Variants in CFAP58 observed in about 807,000 individuals in gnomAD.
CFAP58 encodes cilia and flagella associated protein 58, also known as cilia- and flagella-associated protein 58.
A neutral mutation model predicts 119.5 loss-of-function variants in CFAP58; 88 were observed. The observed-to-expected ratio is 0.74, with a 90% CI of 0.62 to 0.88. The LOEUF is 0.88. Among genes scored for constraint, CFAP58 ranks in the 40% least tolerant of loss-of-function variants. The probability of loss-of-function intolerance (pLI) is 0.00; values close to 1 mark genes in which losing one functional copy is unlikely to be tolerated. For synonymous variants in CFAP58, 365 were observed against 366.3 expected, an observed-to-expected ratio of 1.00 and a Z score of 0.04; for missense variants, 990 against 1,021.2, an observed-to-expected ratio of 0.97 and a Z score of 0.42.
chr10:104,383,957 A>C (rs2011872388), intron 9 of CFAP58, among the ~76,000 whole-genome samples: 2 of 152,202 alleles, frequency 1.3e-5, no homozygotes, highest in Admixed American at 1.3e-4. Context: ...TTTAAGAAAA[A>C]ACTGAATCTA....
At chr10:104,362,302 A>G in intron 3 of CFAP58, 131 bp downstream of exon 3, 1 of 738,626 alleles carries the variant, frequency 1.4e-6, no homozygotes, top group African/African-American at 1.8e-5. Context: ...TTGGGTTCTT[A>G]GAGATTGTTT....
At chr10:104,423,707 A>G (rs2133070405) in intron 15 of CFAP58, among the ~76,000 whole-genome samples, 1 of 152,342 alleles carries the variant, frequency 6.6e-6, no homozygotes, top group South Asian at 2.1e-4. Context: ...TACTCCCCAA[A>G]CAAAAGAGAT....
chr10:104,380,354 G>A (rs926123852), intron 9 of CFAP58, 134 bp downstream of exon 9: 15 of 840,692 alleles, frequency 1.8e-5, no homozygotes, highest in African/African-American at 8.6e-5. Flanking sequence ...TGGGAGGAAC[G>A]ATGTGGACAA....
intron 15 of CFAP58, among the ~76,000 whole-genome samples, chr10:104,431,494 C>T (rs2012846352): frequency 1.3e-5 from 2 of 151,928 alleles, no homozygotes; most frequent in South Asian, 2.1e-4. Flanking sequence ...TGGGAAAAAT[C>T]CCCCCCTTTT....
intron 7 of CFAP58, among the ~76,000 whole-genome samples, chr10:104,376,235 T>C (rs1205000304): frequency 6.6e-6 from 1 of 151,534 alleles, no homozygotes; most frequent in African/African-American, 2.4e-5. Flanking sequence ...ACCCATCAGA[T>C]GAGAATTTAT....
In CFAP58 at chr10:104,426,838, T is replaced by C. The variant is rs182531905; in HGVS notation, c.2256+20045T>C. On this transcript the variant is annotated intron_variant, in intron 15 of 17. Coordinates refer to ENST00000369704, the MANE Select transcript of CFAP58 (RefSeq NM_001008723.2). ...GTTAATTTTCTGGGGTTTCTAGGTA[T>C]GTAATCATACCTTGTTTAAGAAGTG... 7.9e-5 allele frequency among the ~76,000 whole-genome samples: 12 copies of C among 152,370 alleles called. No individual in the cohort carries two copies. The East Asian group carries it at 2.3e-3, about 29-fold the overall frequency.
chr10:104,344,935 G>GTCAGGTGA, the CFAP58 span, among the ~76,000 whole-genome samples: 1 of 151,992 alleles, frequency 6.6e-6, no homozygotes, highest in Admixed American at 6.5e-5. Flanking sequence ...ATCACCTGAG[G>GTCAGGTGA]TCAGGAGTTT....
chr10:104,403,120 G>A (rs570844403), intron 13 of CFAP58, among the ~76,000 whole-genome samples: 6 of 152,256 alleles, frequency 3.9e-5, no homozygotes, highest in South Asian at 4.1e-4. Context: ...TAATCCCCAC[G>A]TGTCATGGGT....
chr10:104,433,362 A>G (rs1240549310), intron 15 of CFAP58, among the ~76,000 whole-genome samples: 3 of 152,226 alleles, frequency 2.0e-5, no homozygotes, highest in Non-Finnish European at 4.4e-5. Flanking sequence ...CACCGGCATT[A>G]CAGGCAAGAT....
chr10:104,414,881 A>G (rs1157281288), intron 15 of CFAP58, among the ~76,000 whole-genome samples: 1 of 152,012 alleles, frequency 6.6e-6, no homozygotes, highest in Non-Finnish European at 1.5e-5. Context: ...ACCGAATTTT[A>G]TTTTATAAAC....
chr10:104,450,279 C>G (rs1166522638), intron 17 of CFAP58, 75 bp downstream of exon 17: 4 of 1,501,906 alleles, frequency 2.7e-6, no homozygotes, highest in Non-Finnish European at 3.7e-6. Context: ...TGAACAGTCA[C>G]AGAGTTGCAA....
intron 3 of CFAP58, 56 bp from the exon 4 acceptor site, chr10:104,364,677 G>A: frequency 1.0e-5 from 16 of 1,537,944 alleles, no homozygotes; most frequent in African/African-American, 1.4e-5. Context: ...AGAATGATAT[G>A]AAGGACCCCT....
chr10:104,349,563 G>A (rs559092638), upstream of CFAP58, among the ~76,000 whole-genome samples: 1 of 152,274 alleles, frequency 6.6e-6, no homozygotes, highest in South Asian at 2.1e-4. Context: ...GAAGTAGGGG[G>A]CATCTGGACA....
chr10:104,357,897 ATG>A lies in CFAP58; in HGVS notation c.10-442_10-441del, dbSNP rs1406652374. Among the ~76,000 whole-genome samples the A allele has an allele frequency of 9.3e-4, 109 of 117,820 alleles. 1 individual carries two copies. Among genetic ancestry groups the A allele is most frequent in the East Asian group, 2.4e-3 (11 of 4,562 alleles). The allele number at this position is 117,820 out of a possible 152,430, so 77.3% of individuals were successfully genotyped here. A position where few individuals can be genotyped will look rare whatever the true frequency, so the allele number is the denominator to read the frequency against. On this transcript the variant is annotated intron_variant, in intron 1 of 17. Transcript: ENST00000369704. ...TATATGTACACATATATAAACATAT[ATG>A]TACACATATACACACATATATGTAC...
At chr10:104,361,309 G>A (rs898567185) in intron 2 of CFAP58, among the ~76,000 whole-genome samples, 9 of 152,154 alleles carry the variant, frequency 5.9e-5, no homozygotes, top group Non-Finnish European at 2.9e-5. Flanking sequence ...ATAAGCATTT[G>A]ATGAGAAGGC....
At chr10:104,424,963 T>A (rs1310046582) in intron 15 of CFAP58, among the ~76,000 whole-genome samples, 1 of 152,174 alleles carries the variant, frequency 6.6e-6, no homozygotes, top group Admixed American at 6.5e-5. Context: ...AGACCTATTT[T>A]GAGTCCTGGT....
intron 15 of CFAP58, among the ~76,000 whole-genome samples, chr10:104,428,267 G>A (rs764662211): frequency 2.0e-5 from 3 of 152,208 alleles, no homozygotes; most frequent in Non-Finnish European, 2.9e-5. Flanking sequence ...GTCGCTCACC[G>A]GTGCCCTGTG....
intron 15 of CFAP58, among the ~76,000 whole-genome samples, chr10:104,411,905 AG>A (rs2012467528): frequency 1.3e-5 from 2 of 152,120 alleles, no homozygotes; most frequent in South Asian, 4.1e-4. Context: ...GAGGAATCTT[AG>A]TACTAACACC....
At chr10:104,426,602 T>C (rs2012754192) in intron 15 of CFAP58, among the ~76,000 whole-genome samples, 1 of 152,210 alleles carries the variant, frequency 6.6e-6, no homozygotes, top group Non-Finnish European at 1.5e-5. Context: ...AAATTTTTTT[T>C]ATTTTTTAAA....
Sources: allele counts gnomAD v4.1 joint callset (sites outside exome capture counted in the v4.1 genomes callset), GRCh38; gene constraint gnomAD v4.1.1; transcripts MANE v1.5; gene names NCBI Gene and HGNC (gene_info 2026-07-23, HGNC 2026-07-21).